The following PTPN1 variants were observed in gnomAD, a reference collection of about 807,000 sequenced individuals.
PTPN1 encodes the protein protein tyrosine phosphatase non-receptor type 1, also known as tyrosine-protein phosphatase non-receptor type 1.
Under a neutral mutation model 59.9 loss-of-function variants are expected in PTPN1, and 12 were observed. That is an observed-to-expected ratio of 0.20 (90% confidence interval 0.13 to 0.32). The LOEUF (loss-of-function observed/expected upper bound fraction) is 0.32, where lower values mean the gene tolerates loss of function less well. Among genes scored for constraint, PTPN1 ranks in the 10% least tolerant of loss-of-function variants. PTPN1 has a pLI of 1.00. For missense variants in PTPN1, 356 were observed against 549.2 expected (o/e 0.65, Z 3.52); for synonymous variants, 178 against 203.6 (o/e 0.87, Z 1.07).
intron 1 of PTPN1, among the ~76,000 whole-genome samples, chr20:50,533,372 C>T (rs2082609729): frequency 1.3e-5 from 2 of 152,078 alleles, no homozygotes; most frequent in South Asian, 4.1e-4. Flanking sequence ...CAGTACATAA[C>T]TGTACAGAGG....
At chr20:50,519,981 GAC>G (rs2082544164) in intron 1 of PTPN1, among the ~76,000 whole-genome samples, 2 of 152,118 alleles carry the variant, frequency 1.3e-5, no homozygotes, top group African/African-American at 4.8e-5. Flanking sequence ...TTGAATGTAG[GAC>G]ACAGTCTATA....
intron 5 of PTPN1, chr20:50,577,873 C>G (rs890279495): frequency 6.5e-6 from 1 of 154,422 alleles, no homozygotes; most frequent in Non-Finnish European, 1.4e-5. Context: ...TTGACTGCCT[C>G]TTCAGCTGGG....
chr20:50,512,079 T>C (rs1482515469), intron 1 of PTPN1, among the ~76,000 whole-genome samples: 1 of 152,382 alleles, frequency 6.6e-6, no homozygotes, highest in East Asian at 1.9e-4. Context: ...TAGACTAATA[T>C]TTCTAACCAC....
chr20:50,532,655 A>G (rs1056370644), intron 1 of PTPN1, among the ~76,000 whole-genome samples: 2 of 152,210 alleles, frequency 1.3e-5, no homozygotes, highest in African/African-American at 4.8e-5. Context: ...TATGGTATTT[A>G]ATATTATACA....
chr20:50,567,872 C>G (rs1455019029), intron 3 of PTPN1, among the ~76,000 whole-genome samples: 1 of 152,220 alleles, frequency 6.6e-6, no homozygotes, highest in Non-Finnish European at 1.5e-5. Flanking sequence ...GAACATACTT[C>G]ATTTTCACAG....
intron 1 of PTPN1, among the ~76,000 whole-genome samples, chr20:50,560,484 G>C (rs1288012099): frequency 6.6e-6 from 1 of 152,050 alleles, no homozygotes; most frequent in Non-Finnish European, 1.5e-5. Context: ...GGGCGGTCTG[G>C]CTTTCTTACT....
At chr20:50,555,677 A>T (rs1406620752) in intron 1 of PTPN1, among the ~76,000 whole-genome samples, 3 of 151,790 alleles carry the variant, frequency 2.0e-5, no homozygotes, top group Non-Finnish European at 4.4e-5. Context: ...TTATTTTCCC[A>T]ATGTCTTTAT....
chr20:50,558,641 C>G (rs1476462597), intron 1 of PTPN1, among the ~76,000 whole-genome samples: 1 of 152,160 alleles, frequency 6.6e-6, no homozygotes, highest in Non-Finnish European at 1.5e-5. Context: ...CATCTTGAGA[C>G]TTTCTTTGCT....
At chr20:50,550,364 G>A (rs1191540591) in intron 1 of PTPN1, among the ~76,000 whole-genome samples, 1 of 152,134 alleles carries the variant, frequency 6.6e-6, no homozygotes, top group East Asian at 1.9e-4. Flanking sequence ...GTGAGTAAAA[G>A]GTACCCTTGG....
At chr20:50,553,115 T>C (rs1198998150) in intron 1 of PTPN1, among the ~76,000 whole-genome samples, 1 of 152,224 alleles carries the variant, frequency 6.6e-6, no homozygotes, top group Non-Finnish European at 1.5e-5. Context: ...TTTGGTTCTT[T>C]GCTGTAGCTC....
intron 4 of PTPN1, chr20:50,571,895 G>T (rs138871316): frequency 6.6e-6 from 1 of 152,312 alleles, no homozygotes; most frequent in East Asian, 1.9e-4. Context: ...CACTAAAGCT[G>T]CCGTTTGCTT....
At chr20:50,519,527 C>T (rs2082542221) in intron 1 of PTPN1, among the ~76,000 whole-genome samples, 2 of 152,136 alleles carry the variant, frequency 1.3e-5, no homozygotes, top group Admixed American at 6.6e-5. Context: ...GAAGTGGGAG[C>T]GTGGTATGTC....
At chr20:50,554,742 AC>A (rs2082718803) in intron 1 of PTPN1, among the ~76,000 whole-genome samples, 1 of 152,198 alleles carries the variant, frequency 6.6e-6, no homozygotes, top group Non-Finnish European at 1.5e-5. Flanking sequence ...TTGAAAGTAG[AC>A]CATCGTGAAT....
chr20:50,552,020 G>A (rs1030261969), intron 1 of PTPN1, among the ~76,000 whole-genome samples: 4 of 152,036 alleles, frequency 2.6e-5, no homozygotes, highest in African/African-American at 9.7e-5. Context: ...GACATTTTTT[G>A]CTTGCAGTGG....
rs1443030598 is a variant in PTPN1 at position 50,582,808 on chromosome 20, C to T, written c.*93C>T. 37 of 1,501,400 alleles carry T rather than the reference C, an allele frequency of 2.5e-5. No individual in the cohort carries two copies. Among genetic ancestry groups the T allele is most frequent in the African/African-American group, 4.1e-5 (3 of 72,628 alleles). The allele number at this position is 1,501,400 out of a possible 1,614,324, so 93.0% of individuals were successfully genotyped here. On this transcript the variant is annotated 3_prime_UTR_variant, in exon 10 of 10. Transcript: ENST00000371621. The surrounding 1 kb of genome is among the most constrained non-coding windows in gnomAD (Gnocchi z 4.2). ...CAGGCATGCCGCGGTAGGTAAGGGC[C>T]GCCGGACCGCGTAGAGAGCCGGGCC... is the stretch of plus-strand genomic sequence containing the variant.
intron 7 of PTPN1, 119 bp from the exon 8 acceptor site, chr20:50,579,584 G>C: frequency 2.1e-6 from 2 of 959,068 alleles, no homozygotes; most frequent in South Asian, 1.5e-5. Context: ...GTACATGGCT[G>C]CAGCCCTGAG....
chr20:50,585,172 T>G lies in PTPN1; in HGVS notation c.*2457T>G, dbSNP rs1034070846. On this transcript the variant is annotated 3_prime_UTR_variant, in exon 10 of 10. Transcript: ENST00000371621. ...AAAGTCCACTTGATATAGAATTGAC[T>G]TAGAAATAAGACAGATTAGTATAGT... The G allele has an allele frequency of 6.6e-6, 1 of 152,214 alleles. No individual in the cohort carries two copies. Among genetic ancestry groups the G allele is most frequent in the Non-Finnish European group, 1.5e-5 (1 of 68,040 alleles). The allele number at this position is 152,214 out of a possible 1,614,324, so 9.4% of individuals were successfully genotyped here. A position where few individuals can be genotyped will look rare whatever the true frequency, so the allele number is the denominator to read the frequency against.
chr20:50,575,749 A>AC (rs1018484718), intron 5 of PTPN1, among the ~76,000 whole-genome samples: 8 of 151,760 alleles, frequency 5.3e-5, no homozygotes, highest in African/African-American at 1.5e-4. Flanking sequence ...ACATAGTGAG[A>AC]CCCCCGTCTC....
At chr20:50,561,589 T>C (rs1204186719) in intron 2 of PTPN1, 136 bp downstream of exon 2, 4 of 542,008 alleles carry the variant, frequency 7.4e-6, no homozygotes, top group Non-Finnish European at 1.3e-5. Flanking sequence ...TTGTTTCCTA[T>C]AGTAAAGGCA....
Sources: gnomAD v4.1 joint callset for allele counts (sites outside exome capture counted in the v4.1 genomes callset) on GRCh38, gnomAD v4.1.1 for gene constraint, Gnocchi (gnomAD v3.1) non-coding constraint, MANE v1.5 for transcripts, NCBI Gene and HGNC (gene_info 2026-07-23, HGNC 2026-07-21) for gene names.